Variants in RNF13 observed in about 807,000 individuals in gnomAD.
The protein encoded by RNF13 is E3 ubiquitin-protein ligase RNF13.
RNF13 carries 19 observed loss-of-function variants against 37.7 expected under a neutral mutation model. The observed-to-expected ratio is 0.50, with a 90% CI of 0.35 to 0.74. The LOEUF (loss-of-function observed/expected upper bound fraction) is 0.74, where lower values mean the gene tolerates loss of function less well. Among genes scored for constraint, RNF13 ranks in the 30% least tolerant of loss-of-function variants. RNF13 has a pLI of 0.01. For missense variants in RNF13, 375 were observed against 453.0 expected, an observed-to-expected ratio of 0.83 and a Z score of 1.56; for synonymous variants, 144 against 157.8, an observed-to-expected ratio of 0.91 and a Z score of 0.65.
chr3:149,941,940 T>C (rs1375275007), intron 8 of RNF13, among the ~76,000 whole-genome samples: 1 of 137,898 alleles, frequency 7.3e-6, no homozygotes, highest in Admixed American at 7.4e-5. Flanking sequence ...TATCCCAGTT[T>C]TCCCAGTACC....
At chr3:149,860,926 T>C (rs1252291527) in intron 3 of RNF13, among the ~76,000 whole-genome samples, 1 of 151,870 alleles carries the variant, frequency 6.6e-6, no homozygotes, top group East Asian at 1.9e-4. Flanking sequence ...AAAAAGACAG[T>C]CTGATTTAAA....
At chr3:149,818,802 T>A (rs376375960) in intron 1 of RNF13, among the ~76,000 whole-genome samples, 1 of 152,048 alleles carries the variant, frequency 6.6e-6, no homozygotes, top group East Asian at 1.9e-4. Flanking sequence ...TCCCAGTTAC[T>A]TGAGAGGCTG....
chr3:149,879,498 G>C lies in RNF13; in HGVS notation c.321+7344G>C, dbSNP rs551584384. Among the ~76,000 whole-genome samples the C allele has an allele frequency of 2.6e-5, 4 of 151,834 alleles. No individual in the cohort carries two copies. The East Asian group carries it at 7.7e-4, about 29-fold the overall frequency. The stretch of plus-strand genomic sequence containing the variant: ...TAATTTGTTTTGTTTTGTTGAGAGG[G>C]GGTCTTGTTATGTTGCTCAGACTGG... On this transcript the variant is annotated intron_variant, in intron 4 of 9. Transcript: ENST00000392894.
intron 8 of RNF13, among the ~76,000 whole-genome samples, chr3:149,956,540 C>A (rs897780237): frequency 2.1e-4 from 32 of 152,160 alleles, no homozygotes; most frequent in Admixed American, 2.0e-4. Context: ...GGGGAAAAAT[C>A]ATGGATGAAC....
intron 1 of RNF13, among the ~76,000 whole-genome samples, chr3:149,845,529 T>C (rs1413937412): frequency 6.6e-6 from 1 of 152,152 alleles, no homozygotes; most frequent in African/African-American, 2.4e-5. Context: ...GCTGTTAATT[T>C]TTTGGCATTC....
chr3:149,929,798 C>T (rs1382230130), intron 8 of RNF13, among the ~76,000 whole-genome samples: 1 of 152,168 alleles, frequency 6.6e-6, no homozygotes, highest in Non-Finnish European at 1.5e-5. Context: ...TCCTTTCTCC[C>T]TTGAATCACC....
rs1722605762 is a variant in RNF13 at position 149,845,995 on chromosome 3, C to CA, written c.-16-15dup. 3.5e-6 allele frequency: 5 copies of CA among 1,423,344 alleles called. No individual in the cohort carries two copies. Among genetic ancestry groups the CA allele is most frequent in the Admixed American group, 1.7e-5 (1 of 58,368 alleles). 88.2% of individuals were successfully genotyped at this position (1,423,344 alleles called of 1,614,324 possible). ...CAAAGCACCAGCTCTCAGTTACTCA[C>CA]ATCCTTGTCTTCCAGGTGATTTTAC... On this transcript the variant is annotated splice_polypyrimidine_tract_variant and intron_variant, in intron 1 of 9. Transcript: ENST00000392894.
intron 8 of RNF13, among the ~76,000 whole-genome samples, chr3:149,937,311 C>G (rs1285890239): frequency 6.6e-6 from 1 of 152,084 alleles, no homozygotes; most frequent in Non-Finnish European, 1.5e-5. Flanking sequence ...CTCAGTTTCT[C>G]CAGGATAGGA....
Position 149,872,542 on chromosome 3 carries a change from G to C in RNF13, c.321+388G>C, listed in dbSNP as rs528039801. Among the ~76,000 whole-genome samples the C allele has an allele frequency of 5.3e-5, 8 of 152,182 alleles. No individual in the cohort carries two copies. The South Asian group carries it at 1.7e-3, about 32-fold the overall frequency. ...TGTAAAGTTTTTTCTCTCTGACATG[G>C]GTTAAGCTAGCATTTCAGATAGTAA... On this transcript the variant is annotated intron_variant, in intron 4 of 9. Coordinates refer to ENST00000392894, the MANE Select transcript of RNF13 (RefSeq NM_183381.3).
At chr3:149,958,968 T>C (rs1225136705) in intron 8 of RNF13, among the ~76,000 whole-genome samples, 2 of 152,222 alleles carry the variant, frequency 1.3e-5, no homozygotes, top group African/African-American at 4.8e-5. Context: ...ATTAAAGGGA[T>C]TGTTTCAGAA....
intron 8 of RNF13, among the ~76,000 whole-genome samples, chr3:149,942,891 A>T (rs1720411057): frequency 6.6e-6 from 1 of 152,048 alleles, no homozygotes; most frequent in Non-Finnish European, 1.5e-5. Context: ...TAGTTTATTG[A>T]GTATTTGTGT....
intron 4 of RNF13, among the ~76,000 whole-genome samples, chr3:149,894,948 G>A (rs1379240246): frequency 1.3e-5 from 2 of 152,060 alleles, no homozygotes; most frequent in African/African-American, 4.8e-5. Flanking sequence ...TTACTATTTT[G>A]GAGGCTAGCT....
At chr3:149,960,314 G>A (rs112490906) in intron 9 of RNF13, among the ~76,000 whole-genome samples, 178 bp downstream of exon 9, 40 of 152,164 alleles carry the variant, frequency 2.6e-4, no homozygotes, top group East Asian at 2.5e-3. Context: ...CTTTCAGGCC[G>A]GGCATGGTGG....
intron 7 of RNF13, 37 bp downstream of exon 7, chr3:149,912,120 G>C: frequency 1.0e-6 from 1 of 994,726 alleles, no homozygotes; most frequent in South Asian, 1.4e-5. Context: ...TTAAAAAATA[G>C]TATGGATGAA....
intron 1 of RNF13, among the ~76,000 whole-genome samples, chr3:149,820,161 C>T (rs115047068): frequency 0.017 from 2,581 of 151,996 alleles, 82 homozygotes; most frequent in African/African-American, 0.058. Flanking sequence ...GTTAGAAATA[C>T]GTTGACCTTG....
Position 149,872,060 on chromosome 3 carries a change from C to T in RNF13, c.227C>T (p.Ala76Val). 1 of 1,606,348 alleles carries T rather than the reference C, an allele frequency of 6.2e-7. No homozygotes were observed. Among genetic ancestry groups the T allele is most frequent in the East Asian group, 2.2e-5 (1 of 44,662 alleles). The change falls in exon 4 of 10, where the codon GCC (alanine) becomes GTC (valine). Residue 76 changes from alanine to valine, a missense_variant. Transcript: ENST00000392894. ...GFLINSKPEN[A>V]CEPIVPPPVK... Reference sequence around the variant, plus strand: ...TTGATTAACTCAAAACCAGAGAATGCCTGTGAACCCATAGTGCCTCCACCA... The same window carrying T: ...TTGATTAACTCAAAACCAGAGAATGTCTGTGAACCCATAGTGCCTCCACCA...
At chr3:149,951,928 A>C (rs535976109) in intron 8 of RNF13, among the ~76,000 whole-genome samples, 96 of 152,300 alleles carry the variant, frequency 6.3e-4, no homozygotes, top group Non-Finnish European at 1.2e-3. Flanking sequence ...TCCAAACACT[A>C]GTAAATACTA....
intron 7 of RNF13, among the ~76,000 whole-genome samples, chr3:149,913,166 C>T (rs1446538393): frequency 6.6e-6 from 1 of 151,982 alleles, no homozygotes; most frequent in Non-Finnish European, 1.5e-5. Context: ...TTTAAATTTA[C>T]TTATTTAGGC....
At chr3:149,892,461 C>T (rs562675248) in intron 4 of RNF13, among the ~76,000 whole-genome samples, 6 of 152,118 alleles carry the variant, frequency 3.9e-5, no homozygotes, top group Admixed American at 2.0e-4. Context: ...ATGTAGACAA[C>T]CGCAGATTTA....
Sources: allele counts gnomAD v4.1 joint callset (sites outside exome capture counted in the v4.1 genomes callset), GRCh38; gene constraint gnomAD v4.1.1; transcripts MANE v1.5; gene names NCBI Gene and HGNC (gene_info 2026-07-23, HGNC 2026-07-21).